SLC12A1: variants seen among roughly 807,000 people sequenced by gnomAD.
SLC12A1 encodes solute carrier family 12 member 1, also known as Na-K-2Cl cotransporter.
Under a neutral mutation model 130.4 loss-of-function variants are expected in SLC12A1, and 89 were observed. The observed-to-expected ratio is 0.68, with a 90% CI of 0.58 to 0.81. The LOEUF (loss-of-function observed/expected upper bound fraction) is 0.81. Among genes scored for constraint, SLC12A1 ranks in the 40% least tolerant of loss-of-function variants. The probability of loss-of-function intolerance (pLI) is 0.00; values close to 1 mark genes in which losing one functional copy is unlikely to be tolerated. For missense variants in SLC12A1, 1,310 were observed against 1,336.4 expected, an observed-to-expected ratio of 0.98 and a Z score of 0.31; for synonymous variants, 499 against 460.0, an observed-to-expected ratio of 1.08 and a Z score of -1.09.
At chr15:48,258,444 G>C in intron 16 of SLC12A1, among the ~76,000 whole-genome samples, 1 of 149,098 alleles carries the variant, frequency 6.7e-6, no homozygotes, top group Non-Finnish European at 1.5e-5. Context: ...GACCACCTCA[G>C]CCTGAACTTT....
At chr15:48,223,890 G>A (rs1204828239) in intron 4 of SLC12A1, 1 of 152,268 alleles carries the variant, frequency 6.6e-6, no homozygotes, top group East Asian at 1.9e-4. Context: ...TGCAGCCTGT[G>A]CTTAGTTAGC....
chr15:48,284,962 A>G (rs1414080576), intron 20 of SLC12A1, 144 bp from the exon 21 acceptor site: 1 of 551,002 alleles, frequency 1.8e-6, no homozygotes, highest in Non-Finnish European at 2.9e-6. Flanking sequence ...AAGATAATAT[A>G]TAAAAATCAT....
intron 4 of SLC12A1, chr15:48,224,176 C>A (rs1251772432): frequency 2.6e-5 from 4 of 152,158 alleles, no homozygotes; most frequent in Non-Finnish European, 4.4e-5. Flanking sequence ...ACAGCCCAGA[C>A]CAGAGCATTC....
At chr15:48,230,892 G>T (rs2041367880) in intron 7 of SLC12A1, among the ~76,000 whole-genome samples, 1 of 152,174 alleles carries the variant, frequency 6.6e-6, no homozygotes. Flanking sequence ...ACATAAGAGA[G>T]GCAAAAACTA....
At chr15:48,302,720 C>G in intron 26 of SLC12A1, 30 bp from the exon 27 acceptor site, 1 of 1,538,634 alleles carries the variant, frequency 6.5e-7, no homozygotes, top group Non-Finnish European at 8.8e-7. Flanking sequence ...TTTTCACTTT[C>G]ATTTTTAAAT....
intron 2 of SLC12A1, among the ~76,000 whole-genome samples, chr15:48,216,438 C>T (rs2041122428): frequency 1.3e-5 from 2 of 152,144 alleles, no homozygotes; most frequent in Admixed American, 1.3e-4. Flanking sequence ...GTCACAATCA[C>T]CATTGGAGTT....
At chr15:48,286,205 A>G (rs1304033249) in intron 21 of SLC12A1, among the ~76,000 whole-genome samples, 1 of 152,120 alleles carries the variant, frequency 6.6e-6, no homozygotes, top group African/African-American at 2.4e-5. Flanking sequence ...ACGAAATTTC[A>G]CCTGTAATAT....
At chr15:48,296,954 T>C (rs2042183327) in intron 24 of SLC12A1, among the ~76,000 whole-genome samples, 1 of 152,178 alleles carries the variant, frequency 6.6e-6, no homozygotes, top group South Asian at 2.1e-4. Context: ...ACCCCCTGTG[T>C]CACTTAGCAT....
intron 10 of SLC12A1, among the ~76,000 whole-genome samples, chr15:48,242,838 G>A (rs1460164074): frequency 6.6e-6 from 1 of 152,004 alleles, no homozygotes; most frequent in Admixed American, 6.6e-5. Context: ...GTATTGTTGG[G>A]GCATGTCCAA....
chr15:48,269,040 G>T (rs761880605), intron 18 of SLC12A1, among the ~76,000 whole-genome samples: 1 of 152,150 alleles, frequency 6.6e-6, no homozygotes, highest in African/African-American at 2.4e-5. Context: ...ATAGCACTAT[G>T]CAATTCATAG....
At chr15:48,253,400 C>T (rs1471173928) in intron 15 of SLC12A1, among the ~76,000 whole-genome samples, 2 of 152,218 alleles carry the variant, frequency 1.3e-5, no homozygotes, top group African/African-American at 4.8e-5. Flanking sequence ...GATCCTGTAG[C>T]TTTGCCTTTT....
chr15:48,244,853 C>T lies in SLC12A1; in HGVS notation c.1401C>T (p.Phe467=). 6.2e-7 allele frequency: 1 copy of T among 1,613,984 alleles called. No individual in the cohort carries two copies. Residue 467 remains phenylalanine, a synonymous_variant, in exon 11 of 27, where the codon TTC becomes TTT. Transcript: ENST00000380993. The part of the protein sequence containing the change: ...GSAACGLGYD[F]SRCRHEPCQY... The stretch of plus-strand genomic sequence containing the variant: ...CAGCATGTGGGTTGGGCTATGACTT[C>T]TCAAGATGTCGACATGAACCATGTC...
In SLC12A1 at chr15:48,299,122, T is replaced by G. The variant is rs1202121944; in HGVS notation, c.2961-18T>G. 1 of 1,595,866 alleles carries G rather than the reference T, an allele frequency of 6.3e-7. No homozygotes were observed. The highest frequency in any genetic ancestry group is 1.4e-5 in the African/African-American group (1 of 73,530). On this transcript the variant is annotated intron_variant, in intron 24 of 26. Coordinates refer to ENST00000380993, the MANE Select transcript of SLC12A1 (RefSeq NM_000338.3). ...TTAGTTTCCCACTGTGAGGCCTCCTTTATAATTCAAATTTTAGCTGGAAAG... is the reference window on the plus strand; with the variant it reads ...TTAGTTTCCCACTGTGAGGCCTCCTGTATAATTCAAATTTTAGCTGGAAAG...
At chr15:48,228,019 T>C (rs1471424015) in intron 5 of SLC12A1, 1 of 152,210 alleles carries the variant, frequency 6.6e-6, no homozygotes, top group Non-Finnish European at 1.5e-5. Flanking sequence ...AAAGAGTTAC[T>C]ATAGTGAAAG....
In SLC12A1 at chr15:48,285,100, C is replaced by T; in HGVS notation, c.2486-6C>T. ...TTAAGTAGGTGATTTTGTCTTCTTT[C>T]ATCAGAGGAATTAGAGAGATTAGAA... On this transcript the variant is annotated splice_region_variant and splice_polypyrimidine_tract_variant and intron_variant, in intron 20 of 26. Coordinates refer to ENST00000380993, the MANE Select transcript of SLC12A1 (RefSeq NM_000338.3). 1 of 1,567,656 alleles carries T rather than the reference C, an allele frequency of 6.4e-7. No homozygotes were observed. Among genetic ancestry groups the T allele is most frequent in the Non-Finnish European group, 8.6e-7 (1 of 1,158,502 alleles).
rs1486744140 is a variant in SLC12A1 at position 48,234,906 on chromosome 15, C to A, written c.1117C>A (p.Arg373Ser). 1 of 1,613,860 alleles carries A rather than the reference C, an allele frequency of 6.2e-7. No individual in the cohort carries two copies. Among genetic ancestry groups the A allele is most frequent in the Admixed American group, 1.7e-5 (1 of 60,024 alleles). Reference sequence around the variant, plus strand: ...AATATTTGCAGAAAACTTTGGGCCACGCTTCACAAAGGGTGAAGGCTTCTT... The same window carrying A: ...AATATTTGCAGAAAACTTTGGGCCAAGCTTCACAAAGGGTGAAGGCTTCTT... ...ASIFAENFGP[R>S]FTKGEGFFSV... Residue 373 changes from arginine to serine, a missense_variant, in exon 9 of 27, where the codon CGC becomes AGC. By Grantham distance (110) the Arg-to-Ser change is moderately radical. Coordinates refer to ENST00000380993, the MANE Select transcript of SLC12A1 (RefSeq NM_000338.3).
intron 23 of SLC12A1, among the ~76,000 whole-genome samples, chr15:48,288,791 G>T (rs576749601): frequency 2.0e-5 from 3 of 152,126 alleles, no homozygotes; most frequent in African/African-American, 7.2e-5. Flanking sequence ...TGGGAGCTTC[G>T]TTATCTCATA....
chr15:48,256,373 C>A lies in SLC12A1; in HGVS notation c.2042+463C>A, dbSNP rs191383552. ...GAATGAAAGAAAGTAACATAAAAATCTTGCTTGGAGAGGAACAGATTGCCT... is the reference window on the plus strand; with the variant it reads ...GAATGAAAGAAAGTAACATAAAAATATTGCTTGGAGAGGAACAGATTGCCT... On this transcript the variant is annotated intron_variant, in intron 16 of 26. Coordinates refer to ENST00000380993, the MANE Select transcript of SLC12A1 (RefSeq NM_000338.3). 3.3e-5 allele frequency among the ~76,000 whole-genome samples: 5 copies of A among 152,326 alleles called. No individual in the cohort carries two copies. The East Asian group carries it at 9.6e-4, about 29-fold the overall frequency.
At chr15:48,220,845 C>T (rs1371504000) in intron 3 of SLC12A1, 76 bp from the exon 4 acceptor site, 2 of 1,610,576 alleles carry the variant, frequency 1.2e-6, no homozygotes, top group East Asian at 2.2e-5. Context: ...GGCCTGGGCA[C>T]AGCTTTATGA....
Sources: allele counts gnomAD v4.1 joint callset (sites outside exome capture counted in the v4.1 genomes callset), GRCh38; gene constraint gnomAD v4.1.1; transcripts MANE v1.5; gene names NCBI Gene and HGNC (gene_info 2026-07-23, HGNC 2026-07-21).